Variants in ITGA1 observed in about 807,000 individuals in gnomAD.
ITGA1 encodes the protein integrin alpha-1.
In ITGA1, 85 loss-of-function variants were observed where a neutral mutation model predicts 145.9. The ratio of observed to expected loss-of-function variants is 0.58; its 90% CI spans 0.49 to 0.70. The LOEUF is 0.70. Among genes scored for constraint, ITGA1 ranks in the 30% least tolerant of loss-of-function variants. ITGA1 has a pLI of 0.00. For missense variants in ITGA1, 1,351 were observed against 1,418.7 expected, an observed-to-expected ratio of 0.95 and a Z score of 0.77; for synonymous variants, 520 against 495.3, an observed-to-expected ratio of 1.05 and a Z score of -0.66.
At chr5:52,831,506 A>T (rs1212439767) in intron 1 of ITGA1, among the ~76,000 whole-genome samples, 2 of 148,644 alleles carry the variant, frequency 1.3e-5, no homozygotes, top group African/African-American at 5.0e-5. Flanking sequence ...GATAGCATAG[A>T]CCTCTTTATT....
intron 1 of ITGA1, among the ~76,000 whole-genome samples, chr5:52,796,676 C>T (rs909577823): frequency 6.6e-6 from 1 of 152,002 alleles, no homozygotes; most frequent in Admixed American, 6.6e-5. Context: ...ATTTGACTCA[C>T]CTAGCTTATC....
At chr5:52,829,994 C>T (rs530928977) in intron 1 of ITGA1, among the ~76,000 whole-genome samples, 79 of 152,208 alleles carry the variant, frequency 5.2e-4, no homozygotes, top group African/African-American at 1.6e-3. Flanking sequence ...ATCAACCTTG[C>T]TGGGTCTCAT....
chr5:52,925,189 T>C (rs1179142171), intron 18 of ITGA1, 89 bp from the exon 19 acceptor site: 2 of 915,060 alleles, frequency 2.2e-6, no homozygotes, highest in Non-Finnish European at 3.5e-6. Flanking sequence ...TTACTTTGGC[T>C]GTATGCCATT....
intron 9 of ITGA1, among the ~76,000 whole-genome samples, chr5:52,895,386 G>C (rs1250723825): frequency 2.0e-5 from 3 of 152,080 alleles, no homozygotes; most frequent in Non-Finnish European, 4.4e-5. Flanking sequence ...AGCTCTCCCG[G>C]TGTCATTTAC....
chr5:52,842,522 C>G (rs944991105), intron 1 of ITGA1, among the ~76,000 whole-genome samples: 1 of 152,126 alleles, frequency 6.6e-6, no homozygotes, highest in African/African-American at 2.4e-5. Flanking sequence ...ATTCTACCTA[C>G]GAAATCAGTT....
intron 14 of ITGA1, among the ~76,000 whole-genome samples, chr5:52,913,478 T>TACTGTTGTAATTCC (rs1201644305): frequency 1.3e-5 from 2 of 152,190 alleles, no homozygotes; most frequent in Non-Finnish European, 2.9e-5. Flanking sequence ...TGTTTGTAAT[T>TACTGTTGTAATTCC]TGTTGTCAGT....
intron 1 of ITGA1, among the ~76,000 whole-genome samples, chr5:52,823,043 G>T (rs189323853): frequency 7.1e-4 from 108 of 152,176 alleles, no homozygotes; most frequent in African/African-American, 2.6e-3. Context: ...TCAAAAGAGG[G>T]CTCCAAGGAA....
chr5:52,819,203 A>T (rs1054763032), intron 1 of ITGA1, among the ~76,000 whole-genome samples: 1 of 152,178 alleles, frequency 6.6e-6, no homozygotes, highest in African/African-American at 2.4e-5. Context: ...CTAGTTCTAG[A>T]TCCCTGAGGA....
intron 6 of ITGA1, among the ~76,000 whole-genome samples, chr5:52,870,385 A>G (rs928102806): frequency 1.3e-5 from 2 of 152,206 alleles, no homozygotes; most frequent in Non-Finnish European, 2.9e-5. Flanking sequence ...GAAAGCTAAG[A>G]GCTGGACAGA....
intron 1 of ITGA1, among the ~76,000 whole-genome samples, chr5:52,799,652 C>G (rs1748414388): frequency 6.6e-6 from 1 of 152,240 alleles, no homozygotes; most frequent in African/African-American, 2.4e-5. Context: ...ACCAGTAGTT[C>G]TCAGAAACCG....
Position 52,957,932 on chromosome 5 carries a change from C to A in ITGA1, c.*5481C>A, listed in dbSNP as rs1751326021. 1 of 152,156 alleles carries A rather than the reference C, an allele frequency of 6.6e-6. No homozygotes were observed. Among genetic ancestry groups the A allele is most frequent in the Non-Finnish European group, 1.5e-5 (1 of 68,018 alleles). The allele number at this position is 152,156 out of a possible 1,614,324, so 9.4% of individuals were successfully genotyped here. A position where few individuals can be genotyped will look rare whatever the true frequency, so the allele number is the denominator to read the frequency against. ...ATAGACTGAGATCCAATGTTTAAAT[C>A]TTTTTATTTCAGTTTGATCTGTGCC... On this transcript the variant is annotated 3_prime_UTR_variant, in exon 29 of 29. Transcript: ENST00000282588.
At chr5:52,906,176 A>G (rs993235967) in intron 12 of ITGA1, among the ~76,000 whole-genome samples, 2 of 152,234 alleles carry the variant, frequency 1.3e-5, no homozygotes, top group African/African-American at 4.8e-5. Flanking sequence ...ATTAAGAGGC[A>G]TGAAATTACC....
intron 12 of ITGA1, 84 bp downstream of exon 12, chr5:52,905,992 A>G: frequency 8.3e-7 from 1 of 1,204,748 alleles, no homozygotes; most frequent in Non-Finnish European, 1.2e-6. Context: ...AAACTTAAAA[A>G]TGCAATACCC....
chr5:52,829,594 T>C (rs1749026866), intron 1 of ITGA1, among the ~76,000 whole-genome samples: 1 of 152,092 alleles, frequency 6.6e-6, no homozygotes, highest in Non-Finnish European at 1.5e-5. Context: ...AAAAAGACTT[T>C]CAAAGGATAT....
At position 52,906,454 on chromosome 5, in the gene ITGA1, G is replaced by C. The variant is rs1750409027; in HGVS notation, c.1455+546G>C. Among the ~76,000 whole-genome samples the C allele has an allele frequency of 2.0e-5, 3 of 151,996 alleles. No homozygotes were observed. The South Asian group carries it at 6.2e-4, about 31-fold the overall frequency. ...ATTTAAAATTGAAAAATTCTTATTA[G>C]GTAGTATTGAATATTAAAAGAAGTT... On this transcript the variant is annotated intron_variant, in intron 12 of 28. Transcript: ENST00000282588.
chr5:52,809,662 C>T (rs974602697), intron 1 of ITGA1, among the ~76,000 whole-genome samples: 2 of 152,016 alleles, frequency 1.3e-5, no homozygotes, highest in Non-Finnish European at 2.9e-5. Flanking sequence ...CGTGCCACCA[C>T]ACCCAGCTAA....
At chr5:52,801,478 C>T in intron 1 of ITGA1, 1 of 1,614,086 alleles carries the variant, frequency 6.2e-7, no homozygotes, top group Non-Finnish European at 8.5e-7. Context: ...GGCTAGCCGC[C>T]TTTCAGACAC....
chr5:52,888,246 A>G (rs1028737750), intron 8 of ITGA1, among the ~76,000 whole-genome samples: 5 of 152,072 alleles, frequency 3.3e-5, no homozygotes, highest in Non-Finnish European at 7.4e-5. Context: ...AAGCAAAAAC[A>G]TAAGAAGGAA....
intron 21 of ITGA1, chr5:52,931,119 A>G (rs140481918): frequency 6.6e-6 from 1 of 152,200 alleles, no homozygotes; most frequent in Non-Finnish European, 1.5e-5. Flanking sequence ...TCTTATGCCC[A>G]TTCTGTGAGA....
Sources: gnomAD v4.1 joint callset for allele counts (sites outside exome capture counted in the v4.1 genomes callset) on GRCh38, gnomAD v4.1.1 for gene constraint, MANE v1.5 for transcripts, NCBI Gene and HGNC (gene_info 2026-07-23, HGNC 2026-07-21) for gene names.